Variants in NLRP8 observed in about 807,000 individuals in gnomAD.
NLRP8 encodes NACHT, LRR and PYD domains-containing protein 8.
In NLRP8, 86 loss-of-function variants were observed where a neutral mutation model predicts 88.7. The ratio of observed to expected loss-of-function variants is 0.97; its 90% CI spans 0.81 to 1.16. The LOEUF (loss-of-function observed/expected upper bound fraction) is 1.16. NLRP8 is among the 50% of genes most tolerant of loss of function. The pLI, the probability that NLRP8 is intolerant of heterozygous loss-of-function variation, is 0.00. For missense variants in NLRP8, 1,342 were observed against 1,286.5 expected (o/e 1.04, Z -0.66); for synonymous variants, 504 against 494.6 (o/e 1.02, Z -0.25).
Position 55,947,860 on chromosome 19 carries a change from G to A in NLRP8, c.-43G>A, listed in dbSNP as rs1396280573. 1.9e-6 allele frequency: 3 copies of A among 1,559,202 alleles called. No individual in the cohort carries two copies. Among genetic ancestry groups the A allele is most frequent in the Admixed American group, 1.8e-5 (1 of 54,626 alleles). ...TCGTGTTTCTCTCTTCCAATCGGTT[G>A]TCTTTATCGTGGACACTGAGGTGTT... On this transcript the variant is annotated 5_prime_UTR_variant, in exon 1 of 10. Coordinates refer to ENST00000291971, the MANE Select transcript of NLRP8 (RefSeq NM_176811.2).
rs184279458 is a variant in NLRP8, at chr19:55,967,036, A to C, written c.2381+656A>C. On this transcript the variant is annotated intron_variant, in intron 5 of 9. Transcript: ENST00000291971. Reference sequence around the variant, plus strand: ...ATAATCACATCTTGGAGAATGGGAGATCTAGCCCTTCAAACATTTATCCTT... The same window carrying C: ...ATAATCACATCTTGGAGAATGGGAGCTCTAGCCCTTCAAACATTTATCCTT... Among the ~76,000 whole-genome samples the C allele has an allele frequency of 3.3e-5, 5 of 152,308 alleles. No homozygotes were observed. In the East Asian group the frequency reaches 9.6e-4, roughly 29 times the overall value.
At chr19:55,983,841 A>C (rs1402704570) in intron 9 of NLRP8, among the ~76,000 whole-genome samples, 1 of 131,572 alleles carries the variant, frequency 7.6e-6, no homozygotes, top group African/African-American at 2.8e-5. Flanking sequence ...AAAAAAAAAA[A>C]AAGATAAAAT....
intron 9 of NLRP8, among the ~76,000 whole-genome samples, chr19:55,985,401 A>G (rs946320499): frequency 2.0e-5 from 3 of 152,198 alleles, no homozygotes; most frequent in Non-Finnish European, 4.4e-5. Flanking sequence ...AGATTGGAGA[A>G]ATATACTAGG....
chr19:55,955,334 G>C lies in NLRP8; in HGVS notation c.1276G>C (p.Val426Leu). 2 of 1,614,164 alleles carry C rather than the reference G, an allele frequency of 1.2e-6. No homozygotes were observed. Among genetic ancestry groups the C allele is most frequent in the Non-Finnish European group, 1.7e-6 (2 of 1,180,044 alleles). Residue 426 changes from valine to leucine, a missense_variant, in exon 3 of 10, where the codon GTG becomes CTG. Coordinates refer to ENST00000291971, the MANE Select transcript of NLRP8 (RefSeq NM_176811.2). ...ACAGTCATGTCCAAATGCCACCTCT[G>C]TGTTCGTCCGGTATATTTCTAGCTT...
At chr19:55,986,314 TCTCA>T (rs900998373) in intron 9 of NLRP8, among the ~76,000 whole-genome samples, 3 of 140,998 alleles carry the variant, frequency 2.1e-5, no homozygotes, top group Non-Finnish European at 3.0e-5. Flanking sequence ...ATACACAGTC[TCTCA>T]CACACACACA....
chr19:55,966,307 GA>G lies in NLRP8; in HGVS notation c.2310del (p.Val771TrpfsTer6). The G allele has an allele frequency of 6.2e-7, 1 of 1,614,116 alleles. No individual in the cohort carries two copies. Among genetic ancestry groups the G allele is most frequent in the South Asian group, 1.1e-5 (1 of 91,078 alleles). The stretch of plus-strand genomic sequence containing the variant: ...GAGATACTTGGAAATACAACATGTG[GA>G]AGTGGAGTCCAAAGCTGTGAAGCTT... On this transcript the variant is annotated frameshift_variant, in exon 5 of 10. Coordinates refer to ENST00000291971, the MANE Select transcript of NLRP8 (RefSeq NM_176811.2). LOFTEE classifies it high-confidence loss of function.
chr19:55,974,387 CT>C (rs1372186964), intron 7 of NLRP8, among the ~76,000 whole-genome samples: 4 of 151,634 alleles, frequency 2.6e-5, no homozygotes, highest in Admixed American at 6.6e-5. Flanking sequence ...ATACATCCTT[CT>C]GCAGCTGCAG....
At chr19:55,976,361 C>A (rs1255460867) in intron 8 of NLRP8, 58 bp downstream of exon 8, 2 of 1,410,276 alleles carry the variant, frequency 1.4e-6, no homozygotes, top group South Asian at 1.6e-5. Context: ...AAGCGTCTCT[C>A]AGGATGGAAT....
In NLRP8 at chr19:55,948,108, T is replaced by A. The variant is rs773733862; in HGVS notation, c.206T>A (p.Met69Lys). The A allele has an allele frequency of 6.2e-7, 1 of 1,614,180 alleles. No individual in the cohort carries two copies. The highest frequency in any genetic ancestry group is 1.7e-5 in the Admixed American group (1 of 60,018). ...CTGACTGAGCTCAGTACTGGCACCA[T>A]GCCCATCACCTGGGACCAGGTCGAG... Residue 69 changes from methionine to lysine, a missense_variant, in exon 1 of 10, where the codon ATG (methionine) becomes AAG (lysine). Physicochemically the swap from Met to Lys is moderately conservative, Grantham distance 95 (BLOSUM62 -1). Coordinates refer to ENST00000291971, the MANE Select transcript of NLRP8 (RefSeq NM_176811.2).
At position 55,957,724 on chromosome 19, in the gene NLRP8, TAAAA is replaced by T. The variant is rs1350353072; in HGVS notation, c.2042+1625_2042+1628del. Reference sequence around the variant, plus strand: ...ATATATATATATATATATATATATATAAAATAAGGTTGTTAAACGTGTTAAAATC... The same window carrying T: ...ATATATATATATATATATATATATATTAAGGTTGTTAAACGTGTTAAAATC... On this transcript the variant is annotated intron_variant, in intron 3 of 9. Coordinates refer to ENST00000291971, the MANE Select transcript of NLRP8 (RefSeq NM_176811.2). 5.2e-5 allele frequency among the ~76,000 whole-genome samples: 5 copies of T among 96,380 alleles called. 1 individual carries two copies. The highest frequency in any genetic ancestry group is 2.1e-4 in the African/African-American group (5 of 23,258). 63.2% of individuals were successfully genotyped at this position (96,380 alleles called of 152,430 possible).
At chr19:55,970,814 A>ATAGGAGCAAACATGTATAGG in intron 6 of NLRP8, 118 bp downstream of exon 6, 1 of 1,303,252 alleles carries the variant, frequency 7.7e-7, no homozygotes, top group Middle Eastern at 2.4e-4. Flanking sequence ...GAGCAAACAT[A>ATAGGAGCAAACATGTATAGG]AGTCTTGTGA....
chr19:55,966,442 G>C (rs908184155), intron 5 of NLRP8, 62 bp downstream of exon 5: 1 of 1,445,828 alleles, frequency 6.9e-7, no homozygotes, highest in Non-Finnish European at 9.6e-7. Context: ...TTTCAAGGGC[G>C]GTGATGAGAG....
rs557513221 is a variant in NLRP8 at position 55,948,616 on chromosome 19, T to A, written c.367+347T>A. On this transcript the variant is annotated intron_variant, in intron 1 of 9. Transcript: ENST00000291971. ...ATGCCTGGGTAATTTTTTTTTATTT[T>A]TAGTAGAGACGGGGTTTCACCATGT... Among the ~76,000 whole-genome samples, 11 of 152,218 alleles carry A rather than the reference T, an allele frequency of 7.2e-5. No homozygotes were observed. In the East Asian group the frequency reaches 2.1e-3, roughly 29 times the overall value.
chr19:55,970,454 A>G, intron 5 of NLRP8, 90 bp from the exon 6 acceptor site: 1 of 1,415,066 alleles, frequency 7.1e-7, no homozygotes, highest in Non-Finnish European at 9.7e-7. Context: ...TGCTGTGAAG[A>G]CTGAGACATG....
In NLRP8 at chr19:55,976,306, A is replaced by G. The variant is rs1317294528; in HGVS notation, c.2876+3A>G. 2.5e-6 allele frequency: 4 copies of G among 1,593,724 alleles called. No homozygotes were observed. The highest frequency in any genetic ancestry group is 2.6e-6 in the Non-Finnish European group (3 of 1,173,808). Reference sequence around the variant, plus strand: ...GACTGTACATTACAGATCCTGGAGTAAGTGGCCCCTCGTCTCCTCCTGTGA... The same window carrying G: ...GACTGTACATTACAGATCCTGGAGTGAGTGGCCCCTCGTCTCCTCCTGTGA... On this transcript the variant is annotated splice_donor_region_variant and intron_variant, in intron 8 of 9. Transcript: ENST00000291971.
intron 8 of NLRP8, 95 bp downstream of exon 8, chr19:55,976,398 A>C: frequency 9.2e-7 from 1 of 1,087,008 alleles, no homozygotes; most frequent in Non-Finnish European, 1.2e-6. Context: ...CTGTCTTTTT[A>C]AGTTTCTGGA....
intron 2 of NLRP8, 54 bp from the exon 3 acceptor site, chr19:55,954,447 C>T: frequency 6.5e-7 from 1 of 1,544,570 alleles, no homozygotes; most frequent in South Asian, 1.2e-5. Flanking sequence ...TCTATTAGTT[C>T]TTGCAATTCA....
In NLRP8 at chr19:55,987,854, ACTC is replaced by A. The variant is rs777417613; in HGVS notation, c.3092_3094del (p.Pro1031del). On this transcript the variant is annotated inframe_deletion, in exon 10 of 10. Transcript: ENST00000291971. ...GACTCGAATAACTAGCTTCTCCCCAACTCCTCACCCACCCGACTTCACGGGAAA... is the reference window on the plus strand; with the variant it reads ...GACTCGAATAACTAGCTTCTCCCCAACTCACCCACCCGACTTCACGGGAAA... 3 of 1,613,348 alleles carry A rather than the reference ACTC, an allele frequency of 1.9e-6. No individual in the cohort carries two copies. In the South Asian group the frequency reaches 3.3e-5, roughly 18 times the overall value.
In NLRP8 at chr19:55,973,700, CT is replaced by C; in HGVS notation, c.2584del (p.Cys862ValfsTer8). The C allele has an allele frequency of 6.2e-7, 1 of 1,613,770 alleles. No homozygotes were observed. Among genetic ancestry groups the C allele is most frequent in the Non-Finnish European group, 8.5e-7 (1 of 1,179,790 alleles). On this transcript the variant is annotated frameshift_variant, in exon 7 of 10. Transcript: ENST00000291971. LOFTEE classifies it high-confidence loss of function. ...AGCTTACTTGTGAAAGCCTTGCCTC[CT>C]GTCTCAGGCAGAGTAAGATGCTGAC...
Sources: allele counts gnomAD v4.1 joint callset (sites outside exome capture counted in the v4.1 genomes callset), GRCh38; gene constraint gnomAD v4.1.1; transcripts MANE v1.5; gene names NCBI Gene and HGNC (gene_info 2026-07-23, HGNC 2026-07-21).